The following PTPRZ1 variants were observed in gnomAD, a reference collection of about 807,000 sequenced individuals.
PTPRZ1 encodes protein tyrosine phosphatase receptor type Z1.
A neutral mutation model predicts 214.1 loss-of-function variants in PTPRZ1; 82 were observed. The ratio of observed to expected loss-of-function variants is 0.38; its 90% CI spans 0.32 to 0.46. The LOEUF (loss-of-function observed/expected upper bound fraction) is 0.46, where lower values mean the gene tolerates loss of function less well. Ranked by LOEUF, PTPRZ1 falls within the 20% of genes least tolerant of loss-of-function variation. The probability of loss-of-function intolerance (pLI) is 1.00; values close to 1 mark genes in which losing one functional copy is unlikely to be tolerated. For synonymous variants in PTPRZ1, 945 were observed against 987.9 expected (o/e 0.96, Z 0.81); for missense variants, 2,603 against 2,748.7 (o/e 0.95, Z 1.19).
chr7:122,052,253 G>A (rs533367851), intron 25 of PTPRZ1, among the ~76,000 whole-genome samples: 1 of 152,242 alleles, frequency 6.6e-6, no homozygotes, highest in African/African-American at 2.4e-5. Context: ...CACTAAGGCA[G>A]AACCCCTGAG....
In PTPRZ1 at chr7:122,013,785, G is replaced by T. The variant is rs1162577578; in HGVS notation, c.4739G>T (p.Gly1580Val). Residue 1580 changes from glycine to valine, a missense_variant, in exon 12 of 30, where the codon GGG becomes GTG. Physicochemically the swap from Gly to Val is moderately radical, Grantham distance 109. Around this residue, in one of 6 missense-constraint regions of PTPRZ1, gnomAD observed 1,913 missense variants for 1,914.3 expected, o/e 1.00. Transcript: ENST00000393386. Reference protein sequence around the residue: ...FADTNEKDADGILAAGDSEIT... With the variant: ...FADTNEKDADVILAAGDSEIT... ...GACACTAATGAAAAAGATGCTGATGGGATCCTGGCAGCAGGTGACTCAGAA... is the reference window on the plus strand; with the variant it reads ...GACACTAATGAAAAAGATGCTGATGTGATCCTGGCAGCAGGTGACTCAGAA... 1.2e-6 allele frequency: 2 copies of T among 1,613,950 alleles called. No homozygotes were observed.
At position 122,051,909 on chromosome 7, in the gene PTPRZ1, C is replaced by G; in HGVS notation, c.6222C>G (p.Gly2074=). ...GCATTTCATCCCTGAGTGGAGAAGG[C>G]ACAGACTACATCAATGCCTCCTATA... The part of the protein sequence containing the change: ...RVGISSLSGE[G]TDYINASYIM... The change falls in exon 25 of 30, where the codon GGC becomes GGG. Residue 2074 remains glycine, a synonymous_variant. Coordinates refer to ENST00000393386, the MANE Select transcript of PTPRZ1 (RefSeq NM_002851.3). 1 of 1,611,910 alleles carries G rather than the reference C, an allele frequency of 6.2e-7. No homozygotes were observed. The highest frequency in any genetic ancestry group is 8.5e-7 in the Non-Finnish European group (1 of 1,179,446).
intron 22 of PTPRZ1, 56 bp downstream of exon 22, chr7:122,042,799 A>G (rs1031773836): frequency 7.1e-6 from 11 of 1,541,174 alleles, no homozygotes; most frequent in Non-Finnish European, 9.8e-6. Context: ...TGTCACTAAA[A>G]TGTAGGTGTA....
intron 8 of PTPRZ1, among the ~76,000 whole-genome samples, chr7:121,993,380 G>A (rs561614430): frequency 9.9e-5 from 15 of 151,296 alleles, no homozygotes; most frequent in Non-Finnish European, 1.8e-4. Flanking sequence ...TGACCATCCC[G>A]GCTAACACAG....
At chr7:121,942,348 G>T (rs1796259175) in intron 2 of PTPRZ1, among the ~76,000 whole-genome samples, 1 of 152,108 alleles carries the variant, frequency 6.6e-6, no homozygotes, top group Non-Finnish European at 1.5e-5. Flanking sequence ...TGAAAGAAAA[G>T]TTCATCTTTA....
At chr7:122,042,569 C>T in intron 21 of PTPRZ1, 39 bp from the exon 22 acceptor site, 5 of 1,544,364 alleles carry the variant, frequency 3.2e-6, no homozygotes, top group East Asian at 2.3e-5. Context: ...TTATTTTATG[C>T]TTAACATTGA....
chr7:121,892,501 A>T (rs1383329396), intron 1 of PTPRZ1, among the ~76,000 whole-genome samples: 1 of 151,832 alleles, frequency 6.6e-6, no homozygotes, highest in Non-Finnish European at 1.5e-5. Context: ...GTATTAGACC[A>T]TAAGAGTATT....
chr7:122,019,140 C>G lies in PTPRZ1; in HGVS notation c.4860C>G (p.Ser1620Arg). The change falls in exon 13 of 30, where the codon AGC becomes AGG. Residue 1620 changes from serine to arginine, a missense_variant. Physicochemically the swap from Ser to Arg is moderately radical, Grantham distance 110. Coordinates refer to ENST00000393386, the MANE Select transcript of PTPRZ1 (RefSeq NM_002851.3). ...TGACTACAGAGGCCAGTAATAGTAG[C>G]CATGAGTCTCGTATTGGTCTAGCTG... ...HVSEAEASNS[S>R]HESRIGLAEG... 6.2e-7 allele frequency: 1 copy of G among 1,611,642 alleles called. No individual in the cohort carries two copies. Among genetic ancestry groups the G allele is most frequent in the South Asian group, 1.1e-5 (1 of 90,970 alleles).
chr7:121,940,480 A>G (rs1281024962), intron 2 of PTPRZ1, among the ~76,000 whole-genome samples: 1 of 152,156 alleles, frequency 6.6e-6, no homozygotes, highest in Admixed American at 6.5e-5. Flanking sequence ...TCTGATGGGA[A>G]TACAAGCTCC....
In PTPRZ1 at chr7:122,011,207, A is replaced by G. The variant is rs1798651437; in HGVS notation, c.2161A>G (p.Thr721Ala). 1.2e-6 allele frequency: 2 copies of G among 1,614,106 alleles called. No homozygotes were observed. The highest frequency in any genetic ancestry group is 1.7e-6 in the Non-Finnish European group (2 of 1,180,008). Residue 721 changes from threonine to alanine, a missense_variant, in exon 12 of 30, where the codon ACT becomes GCT. Coordinates refer to ENST00000393386, the MANE Select transcript of PTPRZ1 (RefSeq NM_002851.3). ...TTATTCTACCTTTGCCTACTTCCCA[A>G]CTGAGGTAACACCTCATGCTTTTAC... ...PHYSTFAYFP[T>A]EVTPHAFTPS...
At chr7:122,007,484 C>T (rs1798527392) in intron 11 of PTPRZ1, among the ~76,000 whole-genome samples, 2 of 152,068 alleles carry the variant, frequency 1.3e-5, no homozygotes, top group African/African-American at 4.8e-5. Flanking sequence ...GAAAGAGACC[C>T]ATGTCACAAT....
At chr7:122,030,020 C>T (rs957132749) in intron 14 of PTPRZ1, among the ~76,000 whole-genome samples, 10 of 151,930 alleles carry the variant, frequency 6.6e-5, no homozygotes, top group Non-Finnish European at 1.2e-4. Context: ...GTCTCTTCTG[C>T]ATACCCCATC....
chr7:122,030,306 A>G (rs529726304), intron 14 of PTPRZ1, among the ~76,000 whole-genome samples: 3 of 152,160 alleles, frequency 2.0e-5, no homozygotes, highest in South Asian at 2.1e-4. Flanking sequence ...AATAAAAGAA[A>G]TTACCAAAAT....
chr7:121,876,929 G>A (rs774302428), intron 1 of PTPRZ1, among the ~76,000 whole-genome samples: 1 of 152,184 alleles, frequency 6.6e-6, no homozygotes, highest in Non-Finnish European at 1.5e-5. Flanking sequence ...CTTTAACTCC[G>A]AAAAGATTTG....
At chr7:121,952,572 T>A (rs904769926) in intron 2 of PTPRZ1, among the ~76,000 whole-genome samples, 6 of 151,976 alleles carry the variant, frequency 3.9e-5, no homozygotes, top group Admixed American at 1.3e-4. Context: ...TGTGACAGAA[T>A]GAGCACTGTC....
intron 2 of PTPRZ1, among the ~76,000 whole-genome samples, chr7:121,963,020 TA>T (rs35813801): frequency 1.5e-4 from 23 of 149,542 alleles, no homozygotes; most frequent in South Asian, 2.1e-4. Context: ...GTTTTTCCAC[TA>T]AAAAAAAAAT....
chr7:121,951,759 G>A (rs531356941), intron 2 of PTPRZ1, among the ~76,000 whole-genome samples: 3 of 152,070 alleles, frequency 2.0e-5, no homozygotes, highest in Non-Finnish European at 2.9e-5. Flanking sequence ...TCACTTCTTA[G>A]TGCCTGCTTC....
At chr7:121,922,509 A>C (rs1393144374) in intron 1 of PTPRZ1, among the ~76,000 whole-genome samples, 6 of 152,178 alleles carry the variant, frequency 3.9e-5, no homozygotes, top group Non-Finnish European at 2.9e-5. Flanking sequence ...TGAGGTGCAG[A>C]GGTTGCAGTA....
rs778605837 is a variant in PTPRZ1, at chr7:121,976,286, T to C, written c.552+18T>C. 3.7e-6 allele frequency: 5 copies of C among 1,359,250 alleles called. No homozygotes were observed. The African/African-American group carries it at 5.7e-5, about 15-fold the overall frequency. The allele number at this position is 1,359,250 out of a possible 1,614,324, so 84.2% of individuals were successfully genotyped here. ...TGTTTGAGGTAATATATATACACTTTACACTAATGTAATTCCTTTTTAAGT... is the reference window on the plus strand; with the variant it reads ...TGTTTGAGGTAATATATATACACTTCACACTAATGTAATTCCTTTTTAAGT... On this transcript the variant is annotated intron_variant, in intron 5 of 29. Coordinates refer to ENST00000393386, the MANE Select transcript of PTPRZ1 (RefSeq NM_002851.3).
Sources: allele counts gnomAD v4.1 joint callset (sites outside exome capture counted in the v4.1 genomes callset), GRCh38; gene constraint gnomAD v4.1.1; regional missense constraint gnomAD v4.1.1; transcripts MANE v1.5; gene names NCBI Gene and HGNC (gene_info 2026-07-23, HGNC 2026-07-21).